LPA: variants seen among roughly 807,000 people sequenced by gnomAD.
LPA encodes the protein apolipoprotein(a).
LPA carries 199 observed loss-of-function variants against 197.9 expected under a neutral mutation model. The ratio of observed to expected loss-of-function variants is 1.01; its 90% CI spans 0.90 to 1.13. The LOEUF is 1.13. Ranked by LOEUF, LPA falls within the 50% of genes most tolerant of loss-of-function variation. LPA has a pLI of 0.00. For synonymous variants in LPA, 715 were observed against 639.5 expected (o/e 1.12, Z -1.78); for missense variants, 1,853 against 1,785.8 (o/e 1.04, Z -0.68).
intron 34 of LPA, among the ~76,000 whole-genome samples, 188 bp from the exon 35 acceptor site, chr6:160,541,369 G>A (rs899774629): frequency 2.0e-5 from 3 of 152,124 alleles, no homozygotes; most frequent in East Asian, 1.9e-4. Flanking sequence ...TTTTCAGAAG[G>A]GCCCATCTGT....
intron 16 of LPA, among the ~76,000 whole-genome samples, chr6:160,611,313 T>G (rs1779509222): frequency 6.6e-6 from 1 of 152,106 alleles, no homozygotes; most frequent in African/African-American, 2.4e-5. Context: ...TCATTCTGAC[T>G]TTCTTCATAA....
intron 2 of LPA, among the ~76,000 whole-genome samples, chr6:160,647,073 C>T (rs1326966552): frequency 6.6e-6 from 1 of 152,202 alleles, no homozygotes; most frequent in East Asian, 1.9e-4. Context: ...TGCTCCCAGG[C>T]AGAATGCAGT....
At chr6:160,560,944 CTG>C (rs929687574) in intron 28 of LPA, among the ~76,000 whole-genome samples, 12 of 152,066 alleles carry the variant, frequency 7.9e-5, no homozygotes, top group African/African-American at 2.7e-4. Flanking sequence ...GAGTCTCACT[CTG>C]TTGCCCAGGC....
At chr6:160,550,665 C>T (rs1248109980) in intron 30 of LPA, among the ~76,000 whole-genome samples, 1 of 152,172 alleles carries the variant, frequency 6.6e-6, no homozygotes, top group Non-Finnish European at 1.5e-5. Flanking sequence ...AAAAAAACTT[C>T]GTTTTACTGC....
At chr6:160,595,231 G>T in intron 21 of LPA, 123 bp downstream of exon 21, 1 of 1,242,820 alleles carries the variant, frequency 8.0e-7, no homozygotes, top group Non-Finnish European at 1.2e-6. Flanking sequence ...CCCAGTGGCT[G>T]ACCCTGAGTC....
Position 160,601,108 on chromosome 6 carries a change from C to A in LPA, c.2946-10G>T. ...GTTCTTGATCAAGCCACTGGAAATT[C>A]CAAAAGAATACACATCACAAAAAAT... On this transcript the variant is annotated splice_polypyrimidine_tract_variant and intron_variant, in intron 18 of 38. Coordinates refer to ENST00000316300, the MANE Select transcript of LPA (RefSeq NM_005577.4). 6.2e-7 allele frequency: 1 copy of A among 1,613,876 alleles called. No homozygotes were observed. The highest frequency in any genetic ancestry group is 2.2e-5 in the East Asian group (1 of 44,846).
At chr6:160,634,856 G>C (rs1167092501) in intron 7 of LPA, among the ~76,000 whole-genome samples, 1 of 150,220 alleles carries the variant, frequency 6.7e-6, no homozygotes, top group Non-Finnish European at 1.5e-5. Context: ...AAGACACTGA[G>C]ATAGCCCATT....
chr6:160,580,888 T>G (rs551353736), intron 26 of LPA, among the ~76,000 whole-genome samples: 1 of 152,338 alleles, frequency 6.6e-6, no homozygotes, highest in African/African-American at 2.4e-5. Flanking sequence ...CAGTCATATT[T>G]GGTGAGCATA....
chr6:160,535,452 AATG>A (rs1360832617), intron 37 of LPA, among the ~76,000 whole-genome samples: 7 of 350 alleles, frequency 0.02, no homozygotes, highest in Admixed American at 0.067. Flanking sequence ...TAGTGGTAGT[AATG>A]ATGATGATGG....
chr6:160,602,252 C>G (rs980691043), intron 18 of LPA, among the ~76,000 whole-genome samples: 5 of 152,160 alleles, frequency 3.3e-5, no homozygotes, highest in African/African-American at 9.7e-5. Flanking sequence ...CTTTTGGATA[C>G]ATGGAAAATT....
At chr6:160,577,925 T>A (rs1778714741) in intron 27 of LPA, among the ~76,000 whole-genome samples, 1 of 152,148 alleles carries the variant, frequency 6.6e-6, no homozygotes, top group Non-Finnish European at 1.5e-5. Flanking sequence ...CAATGCAGGT[T>A]TCATGAGAAG....
chr6:160,546,240 T>C (rs192137339), intron 32 of LPA, among the ~76,000 whole-genome samples: 13 of 152,262 alleles, frequency 8.5e-5, no homozygotes, highest in Middle Eastern at 3.4e-3. Context: ...GGTGAGCCGA[T>C]CACCGATGGC....
At position 160,562,713 on chromosome 6, in the gene LPA, G is replaced by A. The variant is rs374546523; in HGVS notation, c.4632-5142C>T. Among the ~76,000 whole-genome samples, 7 of 152,052 alleles carry A rather than the reference G, an allele frequency of 4.6e-5. No individual in the cohort carries two copies. The East Asian group carries it at 7.7e-4, about 17-fold the overall frequency. ...CCTCTGGTCTGGGCTTTTTTTGGTT[G>A]GTAAGCTATTAATTACTGCCTCGAT... is the stretch of plus-strand genomic sequence containing the variant. On this transcript the variant is annotated intron_variant, in intron 28 of 38. Coordinates refer to ENST00000316300, the MANE Select transcript of LPA (RefSeq NM_005577.4).
intron 20 of LPA, among the ~76,000 whole-genome samples, chr6:160,599,284 A>C (rs762478536): frequency 6.6e-6 from 1 of 152,190 alleles, no homozygotes; most frequent in Non-Finnish European, 1.5e-5. Flanking sequence ...CGGAGCTTGC[A>C]GTGAGCCGAG....
intron 28 of LPA, among the ~76,000 whole-genome samples, chr6:160,572,137 T>C (rs185740472): frequency 1.2e-3 from 189 of 152,312 alleles, no homozygotes; most frequent in African/African-American, 4.3e-3. Context: ...GGGAGTTCCC[T>C]GACCCCTTCC....
chr6:160,557,528 G>C lies in LPA; in HGVS notation c.4675C>G (p.Gln1559Glu). ...GGATCGGTTGTGTAACACCAGGGTT[G>C]TTTCCCAGAATCTGGATTCCTGCAG... is the stretch of plus-strand genomic sequence containing the variant. Reference protein sequence around the residue: ...NYCRNPDSGKQPWCYTTDPCV... With the variant: ...NYCRNPDSGKEPWCYTTDPCV... Residue 1559 changes from glutamine to glutamate, a missense_variant, in exon 29 of 39, where the codon CAA becomes GAA. Coordinates refer to ENST00000316300, the MANE Select transcript of LPA (RefSeq NM_005577.4). 1 of 1,614,072 alleles carries C rather than the reference G, an allele frequency of 6.2e-7. No individual in the cohort carries two copies. Among genetic ancestry groups the C allele is most frequent in the South Asian group, 1.1e-5 (1 of 91,066 alleles).
Position 160,585,023 on chromosome 6 carries a change from T to C in LPA, c.4289+23A>G, listed in dbSNP as rs770135818. On this transcript the variant is annotated intron_variant, in intron 26 of 38. Transcript: ENST00000316300. Reference sequence around the variant, plus strand: ...AATTTTAGTTGACTATTGTTCCTTTTATGGCTAACATGATAGACATACGCA... The same window carrying C: ...AATTTTAGTTGACTATTGTTCCTTTCATGGCTAACATGATAGACATACGCA... 5 of 1,613,122 alleles carry C rather than the reference T, an allele frequency of 3.1e-6. No homozygotes were observed. The Admixed American group carries it at 8.3e-5, about 27-fold the overall frequency.
intron 2 of LPA, among the ~76,000 whole-genome samples, chr6:160,648,810 A>G (rs1015951574): frequency 6.6e-6 from 1 of 151,952 alleles, no homozygotes; most frequent in African/African-American, 2.4e-5. Flanking sequence ...TTCTATATTC[A>G]TGTTTTCTTA....
At position 160,556,085 on chromosome 6, in the gene LPA, T is replaced by C. The variant is rs1232787301; in HGVS notation, c.4913A>G (p.Gln1638Arg). Residue 1638 changes from glutamine to arginine, a missense_variant, in exon 30 of 39, where the codon CAA (glutamine) becomes CGA (arginine). Coordinates refer to ENST00000316300, the MANE Select transcript of LPA (RefSeq NM_005577.4). ...GTGTGGTGTCATGGATGACCAAGAT[T>C]GACATGTCCTTCCTGTGACAGTGGT... ...FSTTVTGRTC[Q>R]SWSSMTPHRH... 2 of 1,613,700 alleles carry C rather than the reference T, an allele frequency of 1.2e-6. No individual in the cohort carries two copies. Among genetic ancestry groups the C allele is most frequent in the Admixed American group, 3.3e-5 (2 of 59,994 alleles).
Sources: allele counts gnomAD v4.1 joint callset (sites outside exome capture counted in the v4.1 genomes callset), GRCh38; gene constraint gnomAD v4.1.1; transcripts MANE v1.5; gene names NCBI Gene and HGNC (gene_info 2026-07-23, HGNC 2026-07-21).